Variants in RBFOX1 observed in about 807,000 individuals in gnomAD.
RBFOX1 encodes RNA binding fox-1 homolog 1, also known as RNA binding protein fox-1 homolog 1.
RBFOX1 carries 8 observed loss-of-function variants against 57.7 expected under a neutral mutation model. The ratio of observed to expected loss-of-function variants is 0.14; its 90% confidence interval spans 0.08 to 0.25. The LOEUF (loss-of-function observed/expected upper bound fraction) is 0.25, where lower values mean the gene tolerates loss of function less well. Ranked by LOEUF, RBFOX1 falls within the 10% of genes least tolerant of loss-of-function variation. The pLI is 1.00. For missense variants in RBFOX1, 611 were observed against 548.5 expected, an observed-to-expected ratio of 1.11 and a Z score of -1.14; for synonymous variants, 326 against 222.4, an observed-to-expected ratio of 1.47 and a Z score of -4.15.
intron 1 of RBFOX1, among the ~76,000 whole-genome samples, chr16:5,333,230 T>A (rs2064806697): frequency 6.6e-6 from 1 of 152,102 alleles, no homozygotes; most frequent in Non-Finnish European, 1.5e-5. Flanking sequence ...AAGATAAGAT[T>A]GATCATTAAA....
chr16:5,759,836 C>T (rs993207929), intron 3 of RBFOX1, among the ~76,000 whole-genome samples: 6 of 152,092 alleles, frequency 3.9e-5, no homozygotes, highest in African/African-American at 1.4e-4. Flanking sequence ...CTCACCAGTG[C>T]AGGGAAGCCT....
chr16:6,565,206 C>G (rs1006902386), intron 2 of RBFOX1, among the ~76,000 whole-genome samples: 41 of 149,188 alleles, frequency 2.7e-4, no homozygotes, highest in African/African-American at 9.8e-4. Context: ...GTAGAAAAGA[C>G]AAAGTACAAA....
At chr16:5,733,298 C>T (rs1256475330) in intron 3 of RBFOX1, among the ~76,000 whole-genome samples, 2 of 152,136 alleles carry the variant, frequency 1.3e-5, no homozygotes, top group African/African-American at 2.4e-5. Context: ...CCACAAAGAC[C>T]TCGTAAACGC....
chr16:6,215,230 G>GGAGGATAAGAGA (rs1555555639), intron 1 of RBFOX1, among the ~76,000 whole-genome samples: 76 of 129,254 alleles, frequency 5.9e-4, no homozygotes, highest in Non-Finnish European at 1.0e-3. Context: ...GAGACAAAGA[G>GGAGGATAAGAGA]GGGAAGAAGG....
chr16:6,341,264 G>A (rs1481750105), intron 2 of RBFOX1, among the ~76,000 whole-genome samples: 1 of 152,062 alleles, frequency 6.6e-6, no homozygotes, highest in Admixed American at 6.6e-5. Flanking sequence ...TACATTCCTT[G>A]GCTTGTGGCG....
At chr16:5,407,493 C>G (rs567446678) in intron 1 of RBFOX1, among the ~76,000 whole-genome samples, 24 of 152,122 alleles carry the variant, frequency 1.6e-4, no homozygotes, top group African/African-American at 5.8e-4. Flanking sequence ...TGTGGAGTGC[C>G]AGGATAGTGA....
chr16:7,672,305 A>G (rs889273079), intron 13 of RBFOX1, among the ~76,000 whole-genome samples: 3 of 152,202 alleles, frequency 2.0e-5, no homozygotes, highest in Non-Finnish European at 4.4e-5. Flanking sequence ...GTCAAATAAG[A>G]TGAATGTCAA....
At chr16:6,792,841 C>G (rs771363005) in intron 3 of RBFOX1, among the ~76,000 whole-genome samples, 1 of 152,020 alleles carries the variant, frequency 6.6e-6, no homozygotes, top group African/African-American at 2.4e-5. Flanking sequence ...CCAGCCTGGA[C>G]AAGATGGTGA....
At chr16:7,287,172 C>T (rs1438549757) in intron 4 of RBFOX1, among the ~76,000 whole-genome samples, 2 of 152,304 alleles carry the variant, frequency 1.3e-5, no homozygotes, top group East Asian at 3.9e-4. Flanking sequence ...TAGTGATTCT[C>T]ATTTGCCTGA....
intron 1 of RBFOX1, among the ~76,000 whole-genome samples, chr16:5,344,562 C>T (rs1320382859): frequency 2.6e-5 from 4 of 152,142 alleles, no homozygotes; most frequent in Non-Finnish European, 5.9e-5. Context: ...TTACAGATTC[C>T]ATACCCAAAA....
intron 1 of RBFOX1, among the ~76,000 whole-genome samples, chr16:6,249,854 C>T (rs1001647946): frequency 6.6e-6 from 1 of 151,084 alleles, no homozygotes; most frequent in Admixed American, 6.6e-5. Context: ...ATACATGTGC[C>T]ATGTTGGTGT....
At chr16:7,572,387 G>A (rs1460268142) in intron 5 of RBFOX1, among the ~76,000 whole-genome samples, 1 of 152,156 alleles carries the variant, frequency 6.6e-6, no homozygotes, top group East Asian at 1.9e-4. Context: ...CGGACTCCAG[G>A]TCAGCAGTTT....
At chr16:7,508,448 T>C (rs888169050) in intron 4 of RBFOX1, among the ~76,000 whole-genome samples, 1 of 152,184 alleles carries the variant, frequency 6.6e-6, no homozygotes, top group Non-Finnish European at 1.5e-5. Context: ...GAATGGCTGC[T>C]GTCCTCGCAT....
intron 2 of RBFOX1, among the ~76,000 whole-genome samples, chr16:5,544,609 C>A (rs987211400): frequency 1.3e-5 from 2 of 152,020 alleles, no homozygotes; most frequent in Non-Finnish European, 1.5e-5. Context: ...ACAGCTAGTT[C>A]TTTGGGAAGA....
chr16:6,229,290 GAAC>G (rs1418909972), intron 1 of RBFOX1, among the ~76,000 whole-genome samples: 1 of 152,154 alleles, frequency 6.6e-6, no homozygotes, highest in Non-Finnish European at 1.5e-5. Context: ...ACTATACTTT[GAAC>G]AGTCTCATCG....
rs2083298968 is a variant in RBFOX1 at position 7,708,715 on chromosome 16, A to G, written c.996-341A>G. 2.6e-5 allele frequency among the ~76,000 whole-genome samples: 4 copies of G among 152,202 alleles called. No homozygotes were observed. The South Asian group carries it at 8.3e-4, about 31-fold the overall frequency. ...ATACCCTCTGTGGGTGCTGGGCTTA[A>G]TACTTGAAGTTGTTTCTTTCTTACC... is the stretch of plus-strand genomic sequence containing the variant. On this transcript the variant is annotated intron_variant, in intron 14 of 15. Transcript: ENST00000550418.
At chr16:7,638,488 C>A (rs12597286) in intron 11 of RBFOX1, among the ~76,000 whole-genome samples, 142,031 of 151,872 alleles carry the variant, frequency 0.94, 67,163 homozygotes, top group East Asian at 1. Context: ...TCACGGGGAA[C>A]CTCTCAGCAG....
At chr16:5,922,175 C>A (rs577230868) in intron 4 of RBFOX1, among the ~76,000 whole-genome samples, 1 of 152,130 alleles carries the variant, frequency 6.6e-6, no homozygotes, top group South Asian at 2.1e-4. Context: ...AAGAAACAAA[C>A]CCCCAAACCC....
chr16:5,292,927 G>GT (rs936009113), intron 1 of RBFOX1, among the ~76,000 whole-genome samples: 64 of 152,056 alleles, frequency 4.2e-4, no homozygotes, highest in Middle Eastern at 3.4e-3. Context: ...CCAGCCTGGA[G>GT]TTTTTTTTAA....
Sources: allele counts gnomAD v4.1 joint callset (sites outside exome capture counted in the v4.1 genomes callset), GRCh38; gene constraint gnomAD v4.1.1; transcripts MANE v1.5; gene names NCBI Gene and HGNC (gene_info 2026-07-23, HGNC 2026-07-21).